Variants in PHKB observed in about 807,000 individuals in gnomAD.
The protein encoded by PHKB is phosphorylase kinase regulatory subunit beta.
PHKB carries 122 observed loss-of-function variants against 152.1 expected under a neutral mutation model. The observed-to-expected ratio is 0.80, with a 90% CI of 0.69 to 0.93. PHKB has a LOEUF of 0.93. PHKB is among the 40% of genes least tolerant of loss of function. The probability of loss-of-function intolerance (pLI) is 0.00; values close to 1 mark genes in which losing one functional copy is unlikely to be tolerated. For synonymous variants in PHKB, 436 were observed against 464.9 expected, an observed-to-expected ratio of 0.94 and a Z score of 0.80; for missense variants, 1,304 against 1,328.4, an observed-to-expected ratio of 0.98 and a Z score of 0.29.
At chr16:47,566,851 A>ATCTCTCCCT (rs1242631942) in intron 7 of PHKB, 5 of 714,252 alleles carry the variant, frequency 7.0e-6, no homozygotes, top group African/African-American at 7.0e-5. Context: ...TCTGTTAGGG[A>ATCTCTCCCT]GAGAGTCTTC....
intron 14 of PHKB, among the ~76,000 whole-genome samples, chr16:47,629,305 A>G (rs1219205055): frequency 6.6e-6 from 1 of 152,126 alleles, no homozygotes; most frequent in East Asian, 1.9e-4. Flanking sequence ...AGAATCTACA[A>G]TGAACTCAAA....
At chr16:47,471,289 A>G (rs2151628195) in intron 1 of PHKB, among the ~76,000 whole-genome samples, 1 of 152,250 alleles carries the variant, frequency 6.6e-6, no homozygotes, top group South Asian at 2.1e-4. Flanking sequence ...GAATGACAGG[A>G]ATGGGTGAGA....
intron 28 of PHKB, among the ~76,000 whole-genome samples, chr16:47,694,283 G>A (rs1974111880): frequency 6.6e-6 from 1 of 152,192 alleles, no homozygotes; most frequent in Non-Finnish European, 1.5e-5. Flanking sequence ...ATACACAAAA[G>A]AGAAGGATTA....
At chr16:47,526,718 A>C (rs1243536153) in intron 6 of PHKB, among the ~76,000 whole-genome samples, 1 of 152,246 alleles carries the variant, frequency 6.6e-6, no homozygotes, top group Non-Finnish European at 1.5e-5. Flanking sequence ...AAATGAAAAC[A>C]CATCATATCA....
intron 7 of PHKB, among the ~76,000 whole-genome samples, chr16:47,564,924 T>C (rs1971538774): frequency 6.6e-6 from 1 of 152,132 alleles, no homozygotes; most frequent in Non-Finnish European, 1.5e-5. Context: ...GGCTTATTTC[T>C]GGGCTGTTTA....
At chr16:47,665,217 T>G (rs1397021195) in intron 25 of PHKB, 9 of 466,308 alleles carry the variant, frequency 1.9e-5, no homozygotes, top group Non-Finnish European at 3.5e-5. Context: ...CTGAAATACA[T>G]GAAGATTGCA....
intron 26 of PHKB, among the ~76,000 whole-genome samples, chr16:47,680,578 G>A (rs1421205862): frequency 2.0e-5 from 3 of 152,186 alleles, no homozygotes; most frequent in Admixed American, 2.0e-4. Flanking sequence ...AGTATTCTCT[G>A]ATGGTAGTTT....
chr16:47,660,963 C>G, intron 22 of PHKB, 144 bp downstream of exon 22: 1 of 809,242 alleles, frequency 1.2e-6, no homozygotes, highest in South Asian at 1.4e-5. Context: ...CCAGGGCAAT[C>G]ATGAGAAGTT....
At position 47,499,858 on chromosome 16, in the gene PHKB, G is replaced by C; in HGVS notation, c.269G>C (p.Cys90Ser). 2.5e-6 allele frequency: 4 copies of C among 1,614,198 alleles called. No homozygotes were observed. The highest frequency in any genetic ancestry group is 3.4e-6 in the Non-Finnish European group (4 of 1,180,036). ...GCCAAGATCCAGGACAGCCTATACT[G>C]CGCTGCTGGGGCCTGGGCTTTGGCT... ...QKAKIQDSLY[C>S]AAGAWALALA... The change falls in exon 3 of 31, where the codon TGC becomes TCC. Residue 90 changes from cysteine (C) to serine (S), a missense_variant. Physicochemically the swap from Cys to Ser is moderately radical, Grantham distance 112. Transcript: ENST00000323584.
At chr16:47,562,430 A>G (rs1338892400) in intron 7 of PHKB, 4 of 152,186 alleles carry the variant, frequency 2.6e-5, no homozygotes, top group African/African-American at 9.7e-5. Context: ...AAAGCAACAA[A>G]TTGCTGAACA....
chr16:47,466,288 A>G (rs1969667876), intron 1 of PHKB, among the ~76,000 whole-genome samples: 1 of 152,250 alleles, frequency 6.6e-6, no homozygotes. Flanking sequence ...GAAATTCAAC[A>G]GCCAAAATAA....
intron 14 of PHKB, among the ~76,000 whole-genome samples, chr16:47,621,506 G>A (rs1972616668): frequency 6.6e-6 from 1 of 152,128 alleles, no homozygotes; most frequent in South Asian, 2.1e-4. Flanking sequence ...CATGCATGTG[G>A]CTCAGTTTTA....
chr16:47,616,005 A>G (rs1329833723), intron 14 of PHKB, among the ~76,000 whole-genome samples: 1 of 152,200 alleles, frequency 6.6e-6, no homozygotes, highest in Non-Finnish European at 1.5e-5. Context: ...ATTTGGAACT[A>G]TTCAGATACT....
chr16:47,580,741 T>C lies in PHKB; in HGVS notation c.774+383T>C, dbSNP rs114184446. On this transcript the variant is annotated intron_variant, in intron 8 of 30. Transcript: ENST00000323584. The stretch of plus-strand genomic sequence containing the variant: ...TTGGTTTCAATGTAATGTATTTCAA[T>C]GTATATCTCATGTAGAAGAGAATTT... 8.6e-3 allele frequency among the ~76,000 whole-genome samples: 1,302 copies of C among 152,218 alleles called. 17 individuals are homozygous for C. The highest frequency in any genetic ancestry group is 0.029 in the African/African-American group (1,217 of 41,546).
rs1432639799 is a variant in PHKB at position 47,593,539 on chromosome 16, C to T, written c.1108C>T (p.Leu370Phe). ...TGAATGTGAATTTCCCATATTTTTC[C>T]TTTATATGATGATTGATGGTAAGTA... Reference protein sequence around the residue: ...GIECEFPIFFLYMMIDGVFRG... With the variant: ...GIECEFPIFFFYMMIDGVFRG... Residue 370 changes from leucine to phenylalanine, a missense_variant, in exon 11 of 31, where the codon CTT (leucine) becomes TTT (phenylalanine). By Grantham distance (22) the Leu-to-Phe change is conservative. Transcript: ENST00000323584. 18 of 1,500,950 alleles carry T rather than the reference C, an allele frequency of 1.2e-5. No homozygotes were observed. In the East Asian group the frequency reaches 3.2e-4, roughly 26 times the overall value. The allele number at this position is 1,500,950 out of a possible 1,614,324, so 93.0% of individuals were successfully genotyped here. A position where few individuals can be genotyped will look rare whatever the true frequency, so the allele number is the denominator to read the frequency against.
chr16:47,483,996 A>G (rs559506201), intron 1 of PHKB, among the ~76,000 whole-genome samples: 4 of 152,212 alleles, frequency 2.6e-5, no homozygotes, highest in Non-Finnish European at 5.9e-5. Context: ...AGGAGTTCCA[A>G]AACTTTATAG....
chr16:47,654,555 A>G (rs1973298455), intron 20 of PHKB, among the ~76,000 whole-genome samples: 1 of 152,260 alleles, frequency 6.6e-6, no homozygotes, highest in East Asian at 1.9e-4. Flanking sequence ...ACCAACCCAA[A>G]TGTCCAACAA....
intron 13 of PHKB, among the ~76,000 whole-genome samples, chr16:47,600,724 T>C (rs1972207880): frequency 6.6e-6 from 1 of 152,244 alleles, no homozygotes; most frequent in African/African-American, 2.4e-5. Flanking sequence ...ATGGTAAGTA[T>C]CTGTGTACCT....
At chr16:47,552,103 G>T (rs1971281974) in intron 7 of PHKB, among the ~76,000 whole-genome samples, 2 of 152,126 alleles carry the variant, frequency 1.3e-5, no homozygotes, top group African/African-American at 4.8e-5. Flanking sequence ...TTGAGCCTAT[G>T]TGTCTTTGCA....
Sources: gnomAD v4.1 joint callset for allele counts (sites outside exome capture counted in the v4.1 genomes callset) on GRCh38, gnomAD v4.1.1 for gene constraint, MANE v1.5 for transcripts, NCBI Gene and HGNC (gene_info 2026-07-23, HGNC 2026-07-21) for gene names.